ARIH1: variants seen among roughly 807,000 people sequenced by gnomAD.
ARIH1 encodes ariadne RBR E3 ubiquitin protein ligase 1.
Under a neutral mutation model 85.0 loss-of-function variants are expected in ARIH1, and 8 were observed. The observed-to-expected ratio is 0.09, with a 90% confidence interval of 0.06 to 0.17. The LOEUF (loss-of-function observed/expected upper bound fraction) is 0.17, where lower values mean the gene tolerates loss of function less well. ARIH1 is among the 10% of genes least tolerant of loss of function. The pLI is 1.00. For missense variants in ARIH1, 311 were observed against 718.1 expected, an observed-to-expected ratio of 0.43 and a Z score of 6.48; for synonymous variants, 238 against 253.6, an observed-to-expected ratio of 0.94 and a Z score of 0.59.
At position 72,474,630 on chromosome 15, in the gene ARIH1, G is replaced by A; in HGVS notation, c.-10G>A. On this transcript the variant is annotated 5_prime_UTR_variant, in exon 1 of 14. Transcript: ENST00000379887. ...CGGCCAGCGTCCGCCGGGCCCCCGCGCGTCGCGCCATGGACTCGGACGAGG... is the reference window on the plus strand; with the variant it reads ...CGGCCAGCGTCCGCCGGGCCCCCGCACGTCGCGCCATGGACTCGGACGAGG... The A allele has an allele frequency of 1.3e-6, 2 of 1,509,972 alleles. No individual in the cohort carries two copies. Among genetic ancestry groups the A allele is most frequent in the Non-Finnish European group, 1.8e-6 (2 of 1,129,562 alleles). 93.5% of individuals were successfully genotyped at this position (1,509,972 alleles called of 1,614,324 possible). A position where few individuals can be genotyped will look rare whatever the true frequency, so the allele number is the denominator to read the frequency against.
chr15:72,565,661 A>G (rs1276235442), intron 7 of ARIH1, among the ~76,000 whole-genome samples: 1 of 152,196 alleles, frequency 6.6e-6, no homozygotes, highest in African/African-American at 2.4e-5. Flanking sequence ...CATTTCAAAC[A>G]TAAAAGTATA....
At chr15:72,525,779 C>T (rs2064024912) in intron 2 of ARIH1, among the ~76,000 whole-genome samples, 2 of 151,966 alleles carry the variant, frequency 1.3e-5, no homozygotes, top group Admixed American at 1.3e-4. Context: ...TTCGGTGACC[C>T]CTGTGTTCCT....
intron 1 of ARIH1, among the ~76,000 whole-genome samples, chr15:72,476,059 C>A (rs2063793813): frequency 6.6e-6 from 1 of 152,188 alleles, no homozygotes; most frequent in South Asian, 2.1e-4. Flanking sequence ...ATATGAGCAG[C>A]AAGTTACTAT....
At chr15:72,505,018 G>A (rs1385056645) in intron 1 of ARIH1, among the ~76,000 whole-genome samples, 1 of 152,158 alleles carries the variant, frequency 6.6e-6, no homozygotes, top group African/African-American at 2.4e-5. Flanking sequence ...TATCTGAGGA[G>A]AATTTGGAAA....
chr15:72,481,579 G>A (rs2063816752), intron 1 of ARIH1, among the ~76,000 whole-genome samples: 1 of 152,064 alleles, frequency 6.6e-6, no homozygotes, highest in Non-Finnish European at 1.5e-5. Context: ...CAGCTACTTG[G>A]GAGACTTGAG....
At position 72,561,498 on chromosome 15, in the gene ARIH1, T is replaced by A. The variant is rs147551270; in HGVS notation, c.753T>A (p.Asp251Glu). 6.4e-5 allele frequency: 103 copies of A among 1,598,550 alleles called. No homozygotes were observed. Among genetic ancestry groups the A allele is most frequent in the Non-Finnish European group, 8.5e-5 (99 of 1,169,050 alleles). Residue 251 changes from aspartate to glutamate, a missense_variant, in exon 6 of 14, where the codon GAT (aspartate) becomes GAA (glutamate). Around this residue, in one of 3 missense-constraint regions of ARIH1, gnomAD observed 104 missense variants for 221.4 expected, o/e 0.47. Coordinates refer to ENST00000379887, the MANE Select transcript of ARIH1 (RefSeq NM_005744.5). ...DDNTVMRLIT[D>E]SKVKLKYQHL... ...TTGGTTTCAGGCGCCTGATCACAGA[T>A]TCAAAAGTTAAATTAAAGTATCAGC...
intron 2 of ARIH1, among the ~76,000 whole-genome samples, chr15:72,542,960 G>A (rs1198423185): frequency 3.4e-5 from 5 of 147,438 alleles, no homozygotes; most frequent in South Asian, 2.1e-4. Flanking sequence ...AGACAGTCTC[G>A]CTCTGTCACC....
chr15:72,554,087 T>C (rs1054257596), intron 3 of ARIH1, among the ~76,000 whole-genome samples: 2 of 152,222 alleles, frequency 1.3e-5, no homozygotes, highest in Non-Finnish European at 1.5e-5. Flanking sequence ...ATTTTATTTA[T>C]GGAAATATGG....
intron 2 of ARIH1, among the ~76,000 whole-genome samples, chr15:72,532,356 T>C (rs118161225): frequency 6.7e-4 from 102 of 152,006 alleles, no homozygotes; most frequent in Non-Finnish European, 1.2e-3. Flanking sequence ...TTCCTAGAAA[T>C]AGGCAATTTC....
At chr15:72,519,533 G>A (rs949534369) in intron 2 of ARIH1, among the ~76,000 whole-genome samples, 1 of 142,616 alleles carries the variant, frequency 7.0e-6, no homozygotes, top group African/African-American at 2.6e-5. Flanking sequence ...GCCCAGGCTG[G>A]AGTGCAATGG....
At chr15:72,571,969 T>G in intron 10 of ARIH1, 139 bp from the exon 11 acceptor site, 1 of 629,490 alleles carries the variant, frequency 1.6e-6, no homozygotes, top group Non-Finnish European at 2.7e-6. Flanking sequence ...CCTGGGTGTT[T>G]TAACATCTCA....
chr15:72,526,478 C>T (rs1450913975), intron 2 of ARIH1, among the ~76,000 whole-genome samples: 1 of 152,138 alleles, frequency 6.6e-6, no homozygotes, highest in Non-Finnish European at 1.5e-5. Context: ...CCCTGCAATT[C>T]TAGTGACTCA....
At chr15:72,533,610 C>T (rs981165270) in intron 2 of ARIH1, among the ~76,000 whole-genome samples, 4 of 152,284 alleles carry the variant, frequency 2.6e-5, no homozygotes, top group South Asian at 2.1e-4. Flanking sequence ...GAAAGAAATA[C>T]GTGCACATCT....
intron 5 of ARIH1, among the ~76,000 whole-genome samples, chr15:72,557,114 TTTTG>T (rs1407168317): frequency 4.6e-5 from 7 of 152,274 alleles, no homozygotes; most frequent in African/African-American, 2.4e-5. Flanking sequence ...TAAAATTATT[TTTTG>T]TTTAATTTTT....
At chr15:72,556,637 C>T (rs1270988795) in intron 5 of ARIH1, among the ~76,000 whole-genome samples, 1 of 152,068 alleles carries the variant, frequency 6.6e-6, no homozygotes, top group Non-Finnish European at 1.5e-5. Flanking sequence ...ATTCCTTGTC[C>T]GTGAGGTTTG....
chr15:72,544,229 A>C (rs2064119556), intron 2 of ARIH1, among the ~76,000 whole-genome samples: 1 of 152,228 alleles, frequency 6.6e-6, no homozygotes, highest in South Asian at 2.1e-4. Flanking sequence ...TTTAGAAAGC[A>C]AGTCTATTAT....
intron 11 of ARIH1, chr15:72,580,487 G>GT: frequency 2.2e-6 from 1 of 460,268 alleles, no homozygotes; most frequent in Non-Finnish European, 3.8e-6. Context: ...TTTGTTTTCA[G>GT]TTTTTTAAGG....
intron 2 of ARIH1, among the ~76,000 whole-genome samples, chr15:72,537,630 C>T (rs1165613661): frequency 2.6e-5 from 4 of 151,984 alleles, no homozygotes; most frequent in Non-Finnish European, 4.4e-5. Context: ...TTCCTTTGCT[C>T]CTTTGACATT....
Position 72,602,282 on chromosome 15 carries a change from T to C in ARIH1, c.*18990T>C, listed in dbSNP as rs2064384657. Reference sequence around the variant, plus strand: ...CAATGGAAGTTTTATGAATTCCCACTAGTGAATGCATTTGTCCTCACAATT... The same window carrying C: ...CAATGGAAGTTTTATGAATTCCCACCAGTGAATGCATTTGTCCTCACAATT... On this transcript the variant is annotated 3_prime_UTR_variant, in exon 14 of 14. Transcript: ENST00000379887. The C allele has an allele frequency of 6.6e-6, 1 of 152,258 alleles. No individual in the cohort carries two copies. Among genetic ancestry groups the C allele is most frequent in the Admixed American group, 6.5e-5 (1 of 15,292 alleles). 9.4% of individuals were successfully genotyped at this position (152,258 alleles called of 1,614,324 possible).
Sources: allele counts gnomAD v4.1 joint callset (sites outside exome capture counted in the v4.1 genomes callset), GRCh38; gene constraint gnomAD v4.1.1; regional missense constraint gnomAD v4.1.1; transcripts MANE v1.5; gene names NCBI Gene and HGNC (gene_info 2026-07-23, HGNC 2026-07-21).